CNBD1: variants seen among roughly 807,000 people sequenced by gnomAD.
CNBD1 encodes cyclic nucleotide-binding domain-containing protein 1.
Under a neutral mutation model 54.4 loss-of-function variants are expected in CNBD1, and 71 were observed. That is an observed-to-expected ratio of 1.30 (90% CI 1.08 to 1.59). The LOEUF is 1.59. CNBD1 is among the 40% of genes most tolerant of loss of function. The pLI is 0.00. For synonymous variants in CNBD1, 182 were observed against 170.7 expected, an observed-to-expected ratio of 1.07 and a Z score of -0.51; for missense variants, 659 against 518.0, an observed-to-expected ratio of 1.27 and a Z score of -2.64.
chr8:87,028,329 C>T (rs1033148381), intron 4 of CNBD1, among the ~76,000 whole-genome samples: 1 of 152,156 alleles, frequency 6.6e-6, no homozygotes, highest in African/African-American at 2.4e-5. Context: ...AACTTGCTTC[C>T]AGCCAAAATT....
intron 8 of CNBD1, among the ~76,000 whole-genome samples, chr8:87,327,403 C>T (rs1223512548): frequency 2.0e-5 from 3 of 151,990 alleles, no homozygotes; most frequent in Non-Finnish European, 4.4e-5. Context: ...CTCCCCCACC[C>T]TCGCTGCTGC....
intron 4 of CNBD1, among the ~76,000 whole-genome samples, chr8:86,978,883 T>C (rs917992519): frequency 1.3e-5 from 2 of 152,142 alleles, no homozygotes; most frequent in African/African-American, 2.4e-5. Context: ...ATGTAGCAAA[T>C]TAATGATTTT....
chr8:87,133,974 A>G (rs1812174123), intron 4 of CNBD1, among the ~76,000 whole-genome samples: 5 of 152,172 alleles, frequency 3.3e-5, no homozygotes, highest in Admixed American at 3.3e-4. Context: ...AAAACACTTC[A>G]GTTTCTGCTT....
chr8:87,276,163 T>G (rs1322381589), intron 6 of CNBD1, among the ~76,000 whole-genome samples: 1 of 151,914 alleles, frequency 6.6e-6, no homozygotes, highest in Non-Finnish European at 1.5e-5. Context: ...TACTAATACA[T>G]TGATATTAGT....
rs114320866 is a variant in CNBD1 at position 87,413,291 on chromosome 8, G to T, written c.214-15255G>T. On this transcript the variant is annotated intron_variant, in intron 2 of 7. Transcript: ENST00000521593. Reference sequence around the variant, plus strand: ...TGCATAGTGAGTTTTGGGGTCCCAAGATTCTATTTTTTCACACTTACTACT... The same window carrying T: ...TGCATAGTGAGTTTTGGGGTCCCAATATTCTATTTTTTCACACTTACTACT... Among the ~76,000 whole-genome samples the T allele has an allele frequency of 8.9e-3, 1,358 of 152,126 alleles. 18 individuals carry two copies. The highest frequency in any genetic ancestry group is 0.03 in the African/African-American group (1,262 of 41,546).
intron 8 of CNBD1, among the ~76,000 whole-genome samples, chr8:87,347,711 G>A (rs1484749725): frequency 6.6e-6 from 1 of 152,100 alleles, no homozygotes; most frequent in African/African-American, 2.4e-5. Flanking sequence ...ATCAAATCTG[G>A]ATAATCTCTT....
At chr8:87,314,492 A>T (rs1305135038) in intron 8 of CNBD1, among the ~76,000 whole-genome samples, 1 of 151,982 alleles carries the variant, frequency 6.6e-6, no homozygotes, top group Non-Finnish European at 1.5e-5. Context: ...ATCTAAAAAA[A>T]GAAGTCAGCT....
At chr8:87,235,380 C>A (rs147153193) in intron 5 of CNBD1, among the ~76,000 whole-genome samples, 3 of 152,276 alleles carry the variant, frequency 2.0e-5, no homozygotes, top group African/African-American at 4.8e-5. Flanking sequence ...TCAGGTTAAT[C>A]ATTTCTAGCT....
intron 2 of CNBD1, among the ~76,000 whole-genome samples, chr8:87,404,901 G>GT (rs1807628160): frequency 6.6e-6 from 1 of 151,930 alleles, no homozygotes; most frequent in Non-Finnish European, 1.5e-5. Context: ...CTTTGCTTCT[G>GT]TATATATATT....
intron 4 of CNBD1, among the ~76,000 whole-genome samples, chr8:87,046,042 T>TA (rs58214390): frequency 0.21 from 15,104 of 71,576 alleles, 1,503 homozygotes; most frequent in African/African-American, 0.26. Flanking sequence ...CTTCCTCTCA[T>TA]AAAAAAAAAA....
chr8:87,284,896 G>T, intron 7 of CNBD1, 81 bp downstream of exon 7: 1 of 958,684 alleles, frequency 1.0e-6, no homozygotes, highest in East Asian at 2.8e-5. Context: ...GACAAAGACA[G>T]CTATATCTGT....
At position 87,106,290 on chromosome 8, in the gene CNBD1, T is replaced by C. The variant is rs115101476; in HGVS notation, c.432-99703T>C. Among the ~76,000 whole-genome samples the C allele has an allele frequency of 3.2e-3, 485 of 152,190 alleles. 3 individuals are homozygous for C. The highest frequency in any genetic ancestry group is 0.011 in the African/African-American group (439 of 41,524). ...GCACATTGGCATCATCTCATCTCACTGAAACCTCTCCCTCCTGGGTTCAAG... is the reference window on the plus strand; with the variant it reads ...GCACATTGGCATCATCTCATCTCACCGAAACCTCTCCCTCCTGGGTTCAAG... On this transcript the variant is annotated intron_variant, in intron 4 of 10. Transcript: ENST00000518476.
intron 2 of CNBD1, among the ~76,000 whole-genome samples, chr8:87,423,158 C>A (rs77358954): frequency 1.3e-5 from 2 of 152,110 alleles, no homozygotes; most frequent in Non-Finnish European, 2.9e-5. Context: ...TGCTTATCAG[C>A]TTTAAGGAGA....
Position 87,158,191 on chromosome 8 carries a change from G to T in CNBD1, c.432-47802G>T, listed in dbSNP as rs529661918. Among the ~76,000 whole-genome samples, 11 of 152,112 alleles carry T rather than the reference G, an allele frequency of 7.2e-5. No homozygotes were observed. The South Asian group carries it at 2.3e-3, about 31-fold the overall frequency. On this transcript the variant is annotated intron_variant, in intron 4 of 10. Coordinates refer to ENST00000518476, the MANE Select transcript of CNBD1 (RefSeq NM_173538.3). Reference sequence around the variant, plus strand: ...GTCCAACTACCTGGGATAAAGTCTGGACTCCATACCTAGCAGCTATGACTT... The same window carrying T: ...GTCCAACTACCTGGGATAAAGTCTGTACTCCATACCTAGCAGCTATGACTT...
chr8:87,329,083 T>A (rs1809756256), intron 8 of CNBD1, among the ~76,000 whole-genome samples: 1 of 152,096 alleles, frequency 6.6e-6, no homozygotes, highest in African/African-American at 2.4e-5. Context: ...GTTATCTATT[T>A]TGAGTTAATT....
chr8:86,963,638 G>A (rs1281971550), intron 4 of CNBD1, among the ~76,000 whole-genome samples: 3 of 152,144 alleles, frequency 2.0e-5, no homozygotes, highest in South Asian at 2.1e-4. Context: ...CCTGGCCTAC[G>A]AAGGTGACAA....
intron 4 of CNBD1, among the ~76,000 whole-genome samples, chr8:87,039,079 C>A (rs1810008130): frequency 1.3e-5 from 2 of 152,098 alleles, no homozygotes; most frequent in Admixed American, 1.3e-4. Context: ...CTGTAATGAC[C>A]TCTTTTTTCT....
At chr8:86,984,482 G>A (rs180974455) in intron 4 of CNBD1, among the ~76,000 whole-genome samples, 39 of 152,256 alleles carry the variant, frequency 2.6e-4, no homozygotes, top group African/African-American at 9.1e-4. Context: ...CTTGCACTGT[G>A]TGTCTGGAAA....
chr8:87,005,055 T>G lies in CNBD1; in HGVS notation c.431+65301T>G, dbSNP rs113988129. On this transcript the variant is annotated intron_variant, in intron 4 of 10. Coordinates refer to ENST00000518476, the MANE Select transcript of CNBD1 (RefSeq NM_173538.3). Reference sequence around the variant, plus strand: ...ATGTAATATAAGATACTTGAAGATTTTTTTTTTTTTAATCGTTAAGTCTTA... The same window carrying G: ...ATGTAATATAAGATACTTGAAGATTGTTTTTTTTTTAATCGTTAAGTCTTA... Among the ~76,000 whole-genome samples the G allele has an allele frequency of 2.6e-3, 402 of 152,054 alleles. 1 individual carries two copies. Among genetic ancestry groups the G allele is most frequent in the African/African-American group, 9.4e-3 (391 of 41,512 alleles).
Sources: allele counts gnomAD v4.1 joint callset (sites outside exome capture counted in the v4.1 genomes callset), GRCh38; gene constraint gnomAD v4.1.1; transcripts MANE v1.5; gene names NCBI Gene and HGNC (gene_info 2026-07-23, HGNC 2026-07-21).